The following IFT74 variants were observed in gnomAD, a reference collection of about 807,000 sequenced individuals.
IFT74 encodes the protein intraflagellar transport protein 74 homolog.
Under a neutral mutation model 96.7 loss-of-function variants are expected in IFT74, and 92 were observed. The observed-to-expected ratio is 0.95, with a 90% CI of 0.80 to 1.13. IFT74 has a LOEUF of 1.13. Among genes scored for constraint, IFT74 ranks in the 50% most tolerant of loss-of-function variants. The pLI, the probability that IFT74 is intolerant of heterozygous loss-of-function variation, is 0.00. For missense variants in IFT74, 811 were observed against 698.2 expected (o/e 1.16, Z -1.82); for synonymous variants, 223 against 213.2 (o/e 1.05, Z -0.40).
At chr9:27,055,495 T>C in intron 16 of IFT74, 114 bp from the exon 17 acceptor site, 1 of 702,986 alleles carries the variant, frequency 1.4e-6, no homozygotes. Context: ...AGTGAACATA[T>C]ATTTCTTTTA....
At chr9:26,962,314 G>C (rs1046122599) in intron 2 of IFT74, among the ~76,000 whole-genome samples, 63 of 152,184 alleles carry the variant, frequency 4.1e-4, no homozygotes, top group African/African-American at 1.3e-3. Flanking sequence ...TATTTCATAA[G>C]CATATTATTA....
chr9:26,959,308 A>G (rs1826252893), intron 1 of IFT74, among the ~76,000 whole-genome samples: 1 of 152,052 alleles, frequency 6.6e-6, no homozygotes, highest in Non-Finnish European at 1.5e-5. Flanking sequence ...ACAGGGTTTC[A>G]CCGTGTTAGC....
chr9:26,986,184 A>T (rs1395000921), intron 6 of IFT74, among the ~76,000 whole-genome samples: 1 of 152,220 alleles, frequency 6.6e-6, no homozygotes, highest in Non-Finnish European at 1.5e-5. Flanking sequence ...GGTTAGGATA[A>T]GATAAGTTAT....
intron 16 of IFT74, among the ~76,000 whole-genome samples, chr9:27,055,138 C>T (rs1449293178): frequency 6.6e-6 from 1 of 152,148 alleles, no homozygotes; most frequent in African/African-American, 2.4e-5. Flanking sequence ...TCAATATTTG[C>T]TAACTCATTG....
At chr9:27,044,089 A>G (rs1819591105) in intron 13 of IFT74, among the ~76,000 whole-genome samples, 1 of 152,086 alleles carries the variant, frequency 6.6e-6, no homozygotes, top group Admixed American at 6.6e-5. Flanking sequence ...TTTTCACTTC[A>G]TTCTCTGCCT....
At chr9:26,984,584 TTAC>T in intron 6 of IFT74, 25 bp downstream of exon 6, 1 of 1,553,426 alleles carries the variant, frequency 6.4e-7, no homozygotes, top group Non-Finnish European at 8.9e-7. Context: ...CTAAGAGAAT[TTAC>T]TGTTAATATT....
chr9:27,032,405 C>G (rs970034908), intron 13 of IFT74, among the ~76,000 whole-genome samples: 2 of 152,110 alleles, frequency 1.3e-5, no homozygotes, highest in Non-Finnish European at 1.5e-5. Context: ...CAATTATAAG[C>G]CTTAATTACC....
intron 1 of IFT74, among the ~76,000 whole-genome samples, chr9:26,948,470 T>A (rs1234439288): frequency 1.0e-4 from 10 of 99,882 alleles, no homozygotes; most frequent in East Asian, 2.3e-4. Context: ...TTTTTTTTTT[T>A]TTTTTTTTTT....
intron 8 of IFT74, chr9:26,999,671 G>A: frequency 2.5e-6 from 4 of 1,609,722 alleles, no homozygotes; most frequent in Middle Eastern, 1.7e-4. Flanking sequence ...GCCAAAAGAG[G>A]ATTGTGATGC....
At chr9:26,983,180 C>T (rs897551334) in intron 4 of IFT74, among the ~76,000 whole-genome samples, 5 of 152,158 alleles carry the variant, frequency 3.3e-5, no homozygotes, top group African/African-American at 1.2e-4. Context: ...ATGGTTTCCC[C>T]CCATCTGTTC....
intron 2 of IFT74, among the ~76,000 whole-genome samples, chr9:26,965,857 C>G (rs940505734): frequency 1.3e-5 from 2 of 152,050 alleles, no homozygotes; most frequent in Non-Finnish European, 2.9e-5. Flanking sequence ...TTGTTTAGCT[C>G]CCACTTATAA....
At chr9:27,034,142 A>G (rs541526929) in intron 13 of IFT74, among the ~76,000 whole-genome samples, 2 of 152,334 alleles carry the variant, frequency 1.3e-5, no homozygotes, top group Admixed American at 1.3e-4. Context: ...ACTCACCAAA[A>G]ATGATTACTT....
intron 10 of IFT74, among the ~76,000 whole-genome samples, chr9:27,012,637 C>T (rs550612061): frequency 1.1e-4 from 17 of 149,424 alleles, no homozygotes; most frequent in East Asian, 2.0e-4. Flanking sequence ...TTATTTAAAA[C>T]GCTTTATTTC....
Position 27,055,496 on chromosome 9 carries a change from A to T in IFT74, c.1334-113A>T, listed in dbSNP as rs369451378. 6 of 715,104 alleles carry T rather than the reference A, an allele frequency of 8.4e-6. No homozygotes were observed. The East Asian group carries it at 2.0e-4, about 23-fold the overall frequency. The allele number at this position is 715,104 out of a possible 1,614,324, so 44.3% of individuals were successfully genotyped here. On this transcript the variant is annotated intron_variant, in intron 16 of 19. Coordinates refer to ENST00000380062, the MANE Select transcript of IFT74 (RefSeq NM_025103.4). ...ATCTCACTGGTTACAGTGAACATAT[A>T]TTTCTTTTACAGATATTCTTAAAAA...
At position 26,979,373 on chromosome 9, in the gene IFT74, CAT is replaced by C. The variant is rs373913739; in HGVS notation, c.256+1113_256+1114del. 2.2e-4 allele frequency among the ~76,000 whole-genome samples: 33 copies of C among 152,044 alleles called. No individual in the cohort carries two copies. The East Asian group carries it at 5.8e-3, about 27-fold the overall frequency. Reference sequence around the variant, plus strand: ...TATTTTAAAACATCGAGGGTAAAAACATATTAAAATTCTATAGTAAATTTATC... The same window carrying C: ...TATTTTAAAACATCGAGGGTAAAAACATTAAAATTCTATAGTAAATTTATC... On this transcript the variant is annotated intron_variant, in intron 3 of 19. Coordinates refer to ENST00000380062, the MANE Select transcript of IFT74 (RefSeq NM_025103.4).
intron 16 of IFT74, among the ~76,000 whole-genome samples, chr9:27,055,096 C>G (rs983610819): frequency 2.0e-5 from 3 of 152,198 alleles, no homozygotes; most frequent in African/African-American, 7.2e-5. Flanking sequence ...CTCACAGGAA[C>G]TTAACTCTGT....
At chr9:26,948,000 C>G (rs1825801090) in intron 1 of IFT74, among the ~76,000 whole-genome samples, 1 of 152,086 alleles carries the variant, frequency 6.6e-6, no homozygotes, top group Non-Finnish European at 1.5e-5. Context: ...TTGTTTTCTT[C>G]CCATCCGCTA....
intron 17 of IFT74, 28 bp downstream of exon 17, chr9:27,055,800 T>A: frequency 7.1e-7 from 1 of 1,404,044 alleles, no homozygotes; most frequent in Non-Finnish European, 9.5e-7. Flanking sequence ...CTTACAGAAT[T>A]ACAATTCAGA....
At chr9:27,024,526 G>A (rs1187736385) in intron 12 of IFT74, among the ~76,000 whole-genome samples, 1 of 152,166 alleles carries the variant, frequency 6.6e-6, no homozygotes, top group South Asian at 2.1e-4. Context: ...CAGTCCTTGA[G>A]TCTCAGATCT....
Sources: allele counts gnomAD v4.1 joint callset (sites outside exome capture counted in the v4.1 genomes callset), GRCh38; gene constraint gnomAD v4.1.1; transcripts MANE v1.5; gene names NCBI Gene and HGNC (gene_info 2026-07-23, HGNC 2026-07-21).